Variants in DYSF observed in about 807,000 individuals in gnomAD.
DYSF encodes dysferlin, also known as dystrophy-associated fer-1-like 1.
Under a neutral mutation model 274.9 loss-of-function variants are expected in DYSF, and 212 were observed. The observed-to-expected ratio is 0.77, with a 90% CI of 0.69 to 0.86. The LOEUF (loss-of-function observed/expected upper bound fraction) is 0.86, where lower values mean the gene tolerates loss of function less well. DYSF is among the 40% of genes least tolerant of loss of function. The pLI, the probability that DYSF is intolerant of heterozygous loss-of-function variation, is 0.00. For synonymous variants in DYSF, 1,091 were observed against 1,078.7 expected (o/e 1.01, Z -0.22); for missense variants, 2,666 against 2,783.2 (o/e 0.96, Z 0.95).
intron 17 of DYSF, among the ~76,000 whole-genome samples, chr2:71,540,297 G>T (rs1426221677): frequency 6.6e-6 from 1 of 151,984 alleles, no homozygotes; most frequent in African/African-American, 2.4e-5. Flanking sequence ...TTTTAGTAGA[G>T]ACAGGGTTTT....
intron 34 of DYSF, 98 bp from the exon 35 acceptor site, chr2:71,601,401 G>A (rs761492283): frequency 6.6e-7 from 1 of 1,510,654 alleles, no homozygotes; most frequent in Admixed American, 1.7e-5. Context: ...TGCAAACCAT[G>A]GACTGTCTGA....
At chr2:71,459,744 T>A (rs2081209098) in intron 1 of DYSF, among the ~76,000 whole-genome samples, 1 of 152,324 alleles carries the variant, frequency 6.6e-6, no homozygotes, top group East Asian at 1.9e-4. Flanking sequence ...CATTCAATCC[T>A]GGAGACCTTG....
intron 3 of DYSF, among the ~76,000 whole-genome samples, chr2:71,490,015 G>A (rs570064771): frequency 8.5e-5 from 13 of 152,170 alleles, no homozygotes; most frequent in Non-Finnish European, 1.8e-4. Flanking sequence ...TGCAATATAT[G>A]GGGGCTGTTG....
rs1331845581 is a variant in DYSF, at chr2:71,520,657, C to T, written c.1034-132C>T. On this transcript the variant is annotated intron_variant, in intron 11 of 55. Coordinates refer to ENST00000410020, the MANE Select transcript of DYSF (RefSeq NM_001130987.2). ...TCAAAGTACCTTTTGATTCTAGAAT[C>T]TGAGTCCTGAGCTCATGGCCCAGCG... The T allele has an allele frequency of 3.9e-6, 3 of 774,082 alleles. No homozygotes were observed. The Admixed American group carries it at 5.7e-5, about 15-fold the overall frequency. 48.0% of individuals were successfully genotyped at this position (774,082 alleles called of 1,614,324 possible).
intron 1 of DYSF, among the ~76,000 whole-genome samples, chr2:71,472,637 A>C (rs1203628741): frequency 6.6e-6 from 1 of 152,156 alleles, no homozygotes; most frequent in East Asian, 1.9e-4. Flanking sequence ...GGATCTCCTG[A>C]CTTCGTGATC....
Position 71,611,553 on chromosome 2 carries a change from C to G in DYSF, c.4148C>G (p.Thr1383Arg), listed in dbSNP as rs149182447. 1 of 1,614,152 alleles carries G rather than the reference C, an allele frequency of 6.2e-7. No homozygotes were observed. The highest frequency in any genetic ancestry group is 8.5e-7 in the Non-Finnish European group (1 of 1,180,032). Residue 1383 changes from threonine to arginine, a missense_variant, in exon 38 of 56, where the codon ACG (threonine) becomes AGG (arginine). Physicochemically the swap from Thr to Arg is moderately conservative, Grantham distance 71. This residue lies in a region of DYSF where 1,460 missense variants were observed against 1,502.1 expected (regional missense o/e 0.97). Coordinates refer to ENST00000410020, the MANE Select transcript of DYSF (RefSeq NM_001130987.2). ...CTCGTGGTAGAGTGTGGGGGCCAGA[C>G]GGTGCAGTCCTGTGTCATCAGGAAC... ...PSLVVECGGQ[T>R]VQSCVIRNLR...
upstream of DYSF, among the ~76,000 whole-genome samples, chr2:71,466,042 G>A (rs1238958968): frequency 1.3e-5 from 2 of 152,140 alleles, no homozygotes; most frequent in African/African-American, 2.4e-5. Context: ...ACTCGACACC[G>A]CTGCGGAGAA....
At chr2:71,672,708 A>G (rs2095149730) in intron 51 of DYSF, among the ~76,000 whole-genome samples, 1 of 152,210 alleles carries the variant, frequency 6.6e-6, no homozygotes, top group South Asian at 2.1e-4. Context: ...TACCGAGCCC[A>G]TAAACCAAGC....
Position 71,565,518 on chromosome 2 carries a change from C to T in DYSF, c.2565+1305C>T, listed in dbSNP as rs148471401. Reference sequence around the variant, plus strand: ...CCCTCCACGCTGGACCTTCCCCTTCCCTACATCTCTCCTCCCTCCTCCCCT... The same window carrying T: ...CCCTCCACGCTGGACCTTCCCCTTCTCTACATCTCTCCTCCCTCCTCCCCT... On this transcript the variant is annotated intron_variant, in intron 24 of 55. Transcript: ENST00000410020. Among the ~76,000 whole-genome samples, 316 of 152,300 alleles carry T rather than the reference C, an allele frequency of 2.1e-3. 4 individuals are homozygous for T. The highest frequency in any genetic ancestry group is 6.7e-3 in the African/African-American group (280 of 41,566).
Position 71,466,708 on chromosome 2 carries a change from CGGA to C in DYSF, c.-130_-128del. The C allele has an allele frequency of 7.2e-7, 1 of 1,391,682 alleles. No homozygotes were observed. The highest frequency in any genetic ancestry group is 9.3e-7 in the Non-Finnish European group (1 of 1,072,904). 86.2% of individuals were successfully genotyped at this position (1,391,682 alleles called of 1,614,324 possible). A position where few individuals can be genotyped will look rare whatever the true frequency, so the allele number is the denominator to read the frequency against. On this transcript the variant is annotated 5_prime_UTR_variant, in exon 1 of 56. Coordinates refer to ENST00000410020, the MANE Select transcript of DYSF (RefSeq NM_001130987.2). ...CTCCCAGGCATTGGTCACTTCTCCGCGGAGGAGCAGCGAAGGCGACAGCTCTCT... is the reference window on the plus strand; with the variant it reads ...CTCCCAGGCATTGGTCACTTCTCCGCGGAGCAGCGAAGGCGACAGCTCTCT...
At chr2:71,650,868 T>A (rs1373456257) in intron 42 of DYSF, among the ~76,000 whole-genome samples, 1 of 152,170 alleles carries the variant, frequency 6.6e-6, no homozygotes, top group African/African-American at 2.4e-5. Flanking sequence ...CTGGTTATAG[T>A]TAAAGCAGCG....
At chr2:71,566,634 C>T (rs767791924) in intron 24 of DYSF, among the ~76,000 whole-genome samples, 14 of 147,442 alleles carry the variant, frequency 9.5e-5, no homozygotes, top group East Asian at 2.1e-4. Context: ...GGGAGAGAGC[C>T]GGGGGTGGAT....
chr2:71,528,145 C>T (rs962336705), intron 13 of DYSF, among the ~76,000 whole-genome samples, 153 bp from the exon 14 acceptor site: 3 of 152,192 alleles, frequency 2.0e-5, no homozygotes, highest in Admixed American at 6.5e-5. Flanking sequence ...GACAGTCCTC[C>T]TTCTGGGGAG....
Position 71,551,690 on chromosome 2 carries a change from C to A in DYSF, c.1776C>A (p.Asp592Glu). 1.2e-6 allele frequency: 2 copies of A among 1,610,514 alleles called. No individual in the cohort carries two copies. Among genetic ancestry groups the A allele is most frequent in the Non-Finnish European group, 1.7e-6 (2 of 1,179,272 alleles). ...LVEHSEQKVEDLPADDILRVE... is the reference protein window; with the variant it reads ...LVEHSEQKVEELPADDILRVE... ...AGCACAGTGAACAGAAGGTGGAGGA[C>A]CTTCCTGCGGATGACATCCTCCGGG... Residue 592 changes from aspartate (D) to glutamate (E), a missense_variant, in exon 19 of 56, where the codon GAC becomes GAA. Coordinates refer to ENST00000410020, the MANE Select transcript of DYSF (RefSeq NM_001130987.2).
At chr2:71,453,892 C>T (rs2080938675) in exon 1 of DYSF, 1 of 1,152,908 alleles carries the variant, frequency 8.7e-7, no homozygotes, top group African/African-American at 1.5e-5. Context: ...CGGCCTCGCC[C>T]AGCCAGCCCT....
intron 24 of DYSF, among the ~76,000 whole-genome samples, chr2:71,565,854 G>A (rs1369267214): frequency 6.6e-6 from 1 of 152,232 alleles, no homozygotes; most frequent in Non-Finnish European, 1.5e-5. Context: ...CTGGAACTAA[G>A]TGATCAATGG....
At chr2:71,650,752 A>G (rs1386289179) in intron 42 of DYSF, among the ~76,000 whole-genome samples, 2 of 152,204 alleles carry the variant, frequency 1.3e-5, no homozygotes, top group Non-Finnish European at 2.9e-5. Context: ...TACCTGGAAA[A>G]TTAAAAAACC....
intron 22 of DYSF, among the ~76,000 whole-genome samples, chr2:71,556,496 C>G (rs916507224): frequency 1.3e-5 from 2 of 152,138 alleles, no homozygotes; most frequent in African/African-American, 4.8e-5. Context: ...AAAAAAGGGC[C>G]CGGGGTGTGG....
intron 3 of DYSF, among the ~76,000 whole-genome samples, chr2:71,490,079 T>C (rs1008705476): frequency 1.3e-5 from 2 of 152,196 alleles, no homozygotes; most frequent in Non-Finnish European, 2.9e-5. Context: ...ATGTGAACAC[T>C]ATGTGCATGG....
Sources: gnomAD v4.1 joint callset for allele counts (sites outside exome capture counted in the v4.1 genomes callset) on GRCh38, gnomAD v4.1.1 for gene constraint, gnomAD v4.1.1 regional missense constraint, MANE v1.5 for transcripts, NCBI Gene and HGNC (gene_info 2026-07-23, HGNC 2026-07-21) for gene names.